Variants in NCOR2 observed in about 807,000 individuals in gnomAD.
The protein encoded by NCOR2 is CTG repeat protein 26.
Under a neutral mutation model 262.9 loss-of-function variants are expected in NCOR2, and 81 were observed. That is an observed-to-expected ratio of 0.31 (90% CI 0.26 to 0.37). The LOEUF (loss-of-function observed/expected upper bound fraction) is 0.37. Ranked by LOEUF, NCOR2 falls within the 10% of genes least tolerant of loss-of-function variation. The pLI is 1.00. For missense variants in NCOR2, 3,385 were observed against 3,621.4 expected, an observed-to-expected ratio of 0.93 and a Z score of 1.68; for synonymous variants, 1,659 against 1,559.3, an observed-to-expected ratio of 1.06 and a Z score of -1.51.
At chr12:124,335,490 C>T (rs1459573396) in exon 39 of NCOR2, 3 of 1,605,598 alleles carry the variant, frequency 1.9e-6, no homozygotes, top group Non-Finnish European at 2.5e-6. Context: ...TACCTGGCTG[C>T]TTGGGCCGCA....
intron 3 of NCOR2, among the ~76,000 whole-genome samples, chr12:124,476,612 C>T (rs552813596): frequency 2.4e-3 from 366 of 152,298 alleles, no homozygotes; most frequent in African/African-American, 8.4e-3. Context: ...GTAAAAGCAG[C>T]GGCTGGCAAC....
intron 37 of NCOR2, among the ~76,000 whole-genome samples, chr12:124,339,365 C>CACCTACCTACCT (rs58198311): frequency 1.5e-3 from 197 of 130,924 alleles, no homozygotes; most frequent in Non-Finnish European, 2.2e-3. Context: ...TCCTCTTAGC[C>CACCTACCTACCT]ACCTACCTAC....
At chr12:124,395,921 C>G (rs1484713037) in intron 16 of NCOR2, among the ~76,000 whole-genome samples, 1 of 152,234 alleles carries the variant, frequency 6.6e-6, no homozygotes, top group Non-Finnish European at 1.5e-5. Flanking sequence ...CAGCAGCACT[C>G]TTCACAACAG....
At chr12:124,505,707 C>A (rs942524477) in intron 1 of NCOR2, among the ~76,000 whole-genome samples, 2 of 152,044 alleles carry the variant, frequency 1.3e-5, no homozygotes, top group African/African-American at 4.8e-5. Context: ...AGTTCTCGGC[C>A]CACAGAAGAG....
At chr12:124,437,094 A>T (rs1593532577) in intron 8 of NCOR2, among the ~76,000 whole-genome samples, 1 of 139,576 alleles carries the variant, frequency 7.2e-6, no homozygotes, top group Non-Finnish European at 1.5e-5. Flanking sequence ...TCAAAAATAA[A>T]TAATAAATAA....
intron 10 of NCOR2, among the ~76,000 whole-genome samples, chr12:124,428,086 T>TGTGTGCGC (rs958627720): frequency 6.8e-6 from 1 of 147,054 alleles, no homozygotes; most frequent in Non-Finnish European, 1.5e-5. Flanking sequence ...TGTGTGTGTG[T>TGTGTGCGC]GTACATGCAA....
At chr12:124,353,038 CG>C (rs1188853908) in intron 27 of NCOR2, among the ~76,000 whole-genome samples, 1 of 152,194 alleles carries the variant, frequency 6.6e-6, no homozygotes, top group African/African-American at 2.4e-5. Context: ...TGAGACTGCA[CG>C]GAAGTTTGAC....
chr12:124,481,040 T>G lies in NCOR2; in HGVS notation c.411+2556A>C. On this transcript the variant is annotated intron_variant, in intron 3 of 46. Coordinates refer to ENST00000405201, the Ensembl canonical transcript of NCOR2. The surrounding 1 kb of genome is among the most constrained non-coding windows in gnomAD (Gnocchi z 4.6). ...TGGGTGGTGGCTGGGAGTGGCTCTG[T>G]GGTAGGGAGGTTGCCCCAGGGGATG... Among the ~76,000 whole-genome samples, 1 of 133,974 alleles carries G rather than the reference T, an allele frequency of 7.5e-6. No individual in the cohort carries two copies. Among genetic ancestry groups the G allele is most frequent in the South Asian group, 2.4e-4 (1 of 4,174 alleles). 87.9% of individuals were successfully genotyped at this position (133,974 alleles called of 152,430 possible). A position where few individuals can be genotyped will look rare whatever the true frequency, so the allele number is the denominator to read the frequency against.
chr12:124,517,209 AC>A lies in NCOR2; in HGVS notation c.-118+18355del, dbSNP rs1485227966. Among the ~76,000 whole-genome samples, 1 of 152,084 alleles carries A rather than the reference AC, an allele frequency of 6.6e-6. No individual in the cohort carries two copies. The highest frequency in any genetic ancestry group is 2.4e-5 in the African/African-American group (1 of 41,388). On this transcript the variant is annotated intron_variant, in intron 1 of 46. Transcript: ENST00000404621. This position sits in a 1 kb window ranked among gnomAD's most constrained non-coding sequence, Gnocchi z 7.6. ...TAGAGAGGACGGAGCCAGGACTCAA[AC>A]CCAGGTCTGTGGCAAAGGAGCAACA...
At chr12:124,479,581 G>A (rs751511969) in intron 3 of NCOR2, among the ~76,000 whole-genome samples, 16 of 151,912 alleles carry the variant, frequency 1.1e-4, no homozygotes, top group South Asian at 2.1e-4. Flanking sequence ...ACGCGCGCGC[G>A]CATGCACACA....
At chr12:124,495,625 C>T (rs527455695), upstream of NCOR2, among the ~76,000 whole-genome samples, 6 of 152,310 alleles carry the variant, frequency 3.9e-5, no homozygotes, top group Admixed American at 1.3e-4. The surrounding 1 kb of genome is among the most constrained non-coding windows in gnomAD (Gnocchi z 4.4). Flanking sequence ...GGCCTTCACC[C>T]GGCAGGCACA....
At chr12:124,404,018 G>C (rs900998519) in intron 13 of NCOR2, among the ~76,000 whole-genome samples, 8 of 152,228 alleles carry the variant, frequency 5.3e-5, no homozygotes, top group Non-Finnish European at 8.8e-5. Flanking sequence ...CCCAACAGGT[G>C]CCCGGCATCC....
Position 124,443,500 on chromosome 12 carries a change from T to TA in NCOR2, c.816-5505_816-5504insT, listed in dbSNP as rs56384125. Among the ~76,000 whole-genome samples the TA allele has an allele frequency of 1.7e-4, 24 of 142,754 alleles. No individual in the cohort carries two copies. The highest frequency in any genetic ancestry group is 3.3e-4 in the Non-Finnish European group (21 of 63,396). The allele number at this position is 142,754 out of a possible 152,430, so 93.7% of individuals were successfully genotyped here. On this transcript the variant is annotated intron_variant, in intron 7 of 46. Transcript: ENST00000405201. The surrounding 1 kb of genome is among the most constrained non-coding windows in gnomAD (Gnocchi z 4.4). ...GGCTGTGGTGCTTTATTTATTTATT[T>TA]TTTATTTTTTATTTTTTTGAGATGG... is the stretch of plus-strand genomic sequence containing the variant.
Position 124,325,426 on chromosome 12 carries a change from G to C in NCOR2, c.7521C>G (p.Tyr2507Ter), listed in dbSNP as rs761921968. 7.8e-7 allele frequency: 1 copy of C among 1,288,330 alleles called. No individual in the cohort carries two copies. Among genetic ancestry groups the C allele is most frequent in the South Asian group, 2.1e-5 (1 of 48,204 alleles). 79.8% of individuals were successfully genotyped at this position (1,288,330 alleles called of 1,614,324 possible). ...GTCACTCGCTGTCGGAGAGTGTCTC[G>C]TACTGCGAGCAGAGCAGTGGCTTGG... The change falls in exon 47 of 47, where the codon TAC becomes TAG. Residue 2507 changes from tyrosine (Y) to a stop codon, truncating the protein, a stop_gained. Coordinates refer to ENST00000405201, the Ensembl canonical transcript of NCOR2. LOFTEE classifies it high-confidence loss of function.
intron 1 of NCOR2, among the ~76,000 whole-genome samples, chr12:124,488,666 G>C (rs907011959): frequency 6.6e-6 from 1 of 152,202 alleles, no homozygotes; most frequent in African/African-American, 2.4e-5. Context: ...TGACAATGAC[G>C]CAGCTGCCAG....
At chr12:124,358,110 C>T (rs570211842) in intron 22 of NCOR2, among the ~76,000 whole-genome samples, 2,613 of 87,978 alleles carry the variant, frequency 0.03, 85 homozygotes, top group Middle Eastern at 0.18. Flanking sequence ...CGCGCACGTG[C>T]GTGCGTGTGA....
chr12:124,398,312 C>G, intron 15 of NCOR2, 131 bp from the exon 18 acceptor site: 4 of 952,642 alleles, frequency 4.2e-6, no homozygotes, highest in Non-Finnish European at 6.5e-6. Context: ...GCTCTGAACC[C>G]CGTGGGAAGG....
rs753931222 is a variant in NCOR2 at position 124,504,204 on chromosome 12, C to T, written c.-117-8836G>A. 4.6e-5 allele frequency among the ~76,000 whole-genome samples: 7 copies of T among 152,206 alleles called. No homozygotes were observed. The highest frequency in any genetic ancestry group is 1.0e-4 in the Non-Finnish European group (7 of 68,028). ...GCCTGGGAATCCTCCTCCTTGACCC[C>T]GGGTAGATGTACAGGGTAGAGATAC... On this transcript the variant is annotated intron_variant, in intron 1 of 46. Transcript: ENST00000404621. This position sits in a 1 kb window ranked among gnomAD's most constrained non-coding sequence, Gnocchi z 4.5.
intron 38 of NCOR2, chr12:124,335,988 G>C: frequency 3.9e-6 from 1 of 257,608 alleles, no homozygotes; most frequent in Non-Finnish European, 7.5e-6. Context: ...GTGGGGCGGA[G>C]TGAGAAGTGG....
Sources: gnomAD v4.1 joint callset for allele counts (sites outside exome capture counted in the v4.1 genomes callset) on GRCh38, gnomAD v4.1.1 for gene constraint, Gnocchi (gnomAD v3.1) non-coding constraint, MANE v1.5 for transcripts, NCBI Gene and HGNC (gene_info 2026-07-23, HGNC 2026-07-21) for gene names.